ELMO1: variants seen among roughly 807,000 people sequenced by gnomAD.
ELMO1 encodes engulfment and cell motility 1, also known as engulfment and cell motility protein 1.
In ELMO1, 26 loss-of-function variants were observed where a neutral mutation model predicts 98.9. The observed-to-expected ratio is 0.26, with a 90% CI of 0.19 to 0.36. The LOEUF (loss-of-function observed/expected upper bound fraction) is 0.36, where lower values mean the gene tolerates loss of function less well. ELMO1 is among the 10% of genes least tolerant of loss of function. The probability of loss-of-function intolerance (pLI) is 1.00; values close to 1 mark genes in which losing one functional copy is unlikely to be tolerated. For synonymous variants in ELMO1, 346 were observed against 346.0 expected (o/e 1.00, Z 0.00); for missense variants, 627 against 935.2 (o/e 0.67, Z 4.30).
At chr7:37,103,868 G>A (rs1474659076) in intron 14 of ELMO1, among the ~76,000 whole-genome samples, 1 of 148,876 alleles carries the variant, frequency 6.7e-6, no homozygotes, top group Admixed American at 6.6e-5. Flanking sequence ...GCCGGGCATG[G>A]TGGCGGGCAC....
intron 4 of ELMO1, among the ~76,000 whole-genome samples, chr7:37,302,250 C>G (rs925397142): frequency 2.0e-5 from 3 of 152,200 alleles, no homozygotes; most frequent in Non-Finnish European, 4.4e-5. Context: ...GCAGACACCT[C>G]AGTCCCCATA....
intron 1 of ELMO1, among the ~76,000 whole-genome samples, chr7:37,381,049 G>A (rs187901592): frequency 6.6e-4 from 100 of 152,308 alleles, no homozygotes; most frequent in Non-Finnish European, 1.2e-3. Context: ...AGAAGACAGG[G>A]CTAGAAACAT....
chr7:37,211,957 G>T (rs1041008512), intron 12 of ELMO1, among the ~76,000 whole-genome samples: 2 of 152,106 alleles, frequency 1.3e-5, no homozygotes, highest in Non-Finnish European at 2.9e-5. Flanking sequence ...AGAAAGAAAG[G>T]GTCAAAGGTG....
intron 8 of ELMO1, among the ~76,000 whole-genome samples, chr7:37,229,922 T>C (rs1383320922): frequency 6.6e-6 from 1 of 152,214 alleles, no homozygotes; most frequent in East Asian, 1.9e-4. Flanking sequence ...TTAATTTCAA[T>C]GAATGAAAAA....
chr7:37,385,253 G>A (rs908018693), intron 1 of ELMO1, among the ~76,000 whole-genome samples: 2 of 152,306 alleles, frequency 1.3e-5, no homozygotes, highest in African/African-American at 2.4e-5. Flanking sequence ...ACCCTATCAC[G>A]TTTAGAAAAG....
chr7:37,296,114 C>CAGG (rs1178714249), intron 4 of ELMO1, among the ~76,000 whole-genome samples: 1 of 152,168 alleles, frequency 6.6e-6, no homozygotes, highest in African/African-American at 2.4e-5. Context: ...TTCTATGGAT[C>CAGG]AGGAGTCTAG....
Position 37,433,093 on chromosome 7 carries a change from C to A in ELMO1, c.-74+15582G>T, listed in dbSNP as rs563510183. Among the ~76,000 whole-genome samples the A allele has an allele frequency of 3.3e-5, 5 of 152,318 alleles. No homozygotes were observed. The East Asian group carries it at 5.8e-4, about 18-fold the overall frequency. ...TCTCCAACACCCAGAGGCTCCTCAA[C>A]AAGTGACCTTGGGTCTTCAGCAAAA... is the stretch of plus-strand genomic sequence containing the variant. On this transcript the variant is annotated intron_variant, in intron 1 of 21. Transcript: ENST00000310758.
intron 4 of ELMO1, among the ~76,000 whole-genome samples, chr7:37,284,124 G>C (rs1797277705): frequency 6.6e-6 from 1 of 152,140 alleles, no homozygotes; most frequent in Admixed American, 6.5e-5. Context: ...TCTGGTATCT[G>C]GGAGAAGCAG....
At chr7:37,111,561 T>TA (rs2129276936) in intron 14 of ELMO1, among the ~76,000 whole-genome samples, 1 of 152,334 alleles carries the variant, frequency 6.6e-6, no homozygotes, top group Non-Finnish European at 1.5e-5. Flanking sequence ...TGTAAAGTAT[T>TA]AAAAAGTCAC....
chr7:37,193,004 TATATAC>T (rs1163880527), intron 13 of ELMO1, among the ~76,000 whole-genome samples: 887 of 82,648 alleles, frequency 0.011, 8 homozygotes, highest in African/African-American at 0.022. Flanking sequence ...TATATATATA[TATATAC>T]ACACACACAC....
At chr7:37,062,109 A>T (rs1230095712) in intron 15 of ELMO1, among the ~76,000 whole-genome samples, 2 of 152,256 alleles carry the variant, frequency 1.3e-5, no homozygotes, top group Non-Finnish European at 2.9e-5. Context: ...TATAATTTAC[A>T]TAATGTTTTA....
intron 13 of ELMO1, among the ~76,000 whole-genome samples, chr7:37,187,119 T>C (rs1441993740): frequency 1.3e-5 from 2 of 151,968 alleles, no homozygotes; most frequent in Non-Finnish European, 2.9e-5. Flanking sequence ...GAGAATAAAA[T>C]CAGACAATAA....
At chr7:37,434,559 T>C (rs775264063) in intron 1 of ELMO1, among the ~76,000 whole-genome samples, 1 of 152,198 alleles carries the variant, frequency 6.6e-6, no homozygotes, top group Non-Finnish European at 1.5e-5. Flanking sequence ...TGATGTAAAA[T>C]TTACAGGTTG....
At chr7:36,876,958 T>C (rs1804035595) in intron 19 of ELMO1, among the ~76,000 whole-genome samples, 1 of 152,254 alleles carries the variant, frequency 6.6e-6, no homozygotes, top group Non-Finnish European at 1.5e-5. Flanking sequence ...GACTGTCCCA[T>C]TTTTAAGCTG....
chr7:37,129,311 A>T (rs567424834), intron 14 of ELMO1, among the ~76,000 whole-genome samples: 4 of 152,220 alleles, frequency 2.6e-5, no homozygotes, highest in Admixed American at 2.0e-4. Flanking sequence ...GGTTCCAGAC[A>T]TTAGCAAGGA....
At chr7:37,410,009 G>A (rs562775263) in intron 1 of ELMO1, among the ~76,000 whole-genome samples, 4 of 152,184 alleles carry the variant, frequency 2.6e-5, no homozygotes, top group East Asian at 3.9e-4. Context: ...CCTCCTTCCC[G>A]CAAAGTCACA....
intron 1 of ELMO1, among the ~76,000 whole-genome samples, chr7:37,409,133 A>G (rs968732160): frequency 1.6e-4 from 6 of 36,924 alleles, no homozygotes; most frequent in East Asian, 1.5e-3. Context: ...TTTGCAAGTG[A>G]AAAAAAAAAA....
intron 5 of ELMO1, among the ~76,000 whole-genome samples, chr7:37,267,532 A>C (rs1375211864): frequency 6.6e-6 from 1 of 152,322 alleles, no homozygotes; most frequent in South Asian, 2.1e-4. Flanking sequence ...TGTTAAGACA[A>C]AGGTATATGT....
intron 7 of ELMO1, among the ~76,000 whole-genome samples, chr7:37,242,894 G>A (rs1361627991): frequency 6.6e-6 from 1 of 152,188 alleles, no homozygotes; most frequent in Non-Finnish European, 1.5e-5. Flanking sequence ...GGTGTTCTCA[G>A]AGAAAAAGCT....
Sources: allele counts gnomAD v4.1 joint callset (sites outside exome capture counted in the v4.1 genomes callset), GRCh38; gene constraint gnomAD v4.1.1; transcripts MANE v1.5; gene names NCBI Gene and HGNC (gene_info 2026-07-23, HGNC 2026-07-21).